LPCAT3: variants seen among roughly 807,000 people sequenced by gnomAD.
LPCAT3 encodes lysophosphatidylcholine acyltransferase 3, also known as lysophospholipid acyltransferase 5.
Under a neutral mutation model 63.4 loss-of-function variants are expected in LPCAT3, and 21 were observed. The observed-to-expected ratio is 0.33, with a 90% confidence interval of 0.23 to 0.48. The LOEUF is 0.48. LPCAT3 is among the 20% of genes least tolerant of loss of function. The probability of loss-of-function intolerance (pLI) is 0.99; values close to 1 mark genes in which losing one functional copy is unlikely to be tolerated. For synonymous variants in LPCAT3, 242 were observed against 227.5 expected (o/e 1.06, Z -0.58); for missense variants, 451 against 590.6 (o/e 0.76, Z 2.45).
At position 6,987,736 on chromosome 12, in the gene LPCAT3, A is replaced by C. The variant is rs1296450742; in HGVS notation, c.152-4197T>G. The C allele has an allele frequency of 2.5e-6, 1 of 400,428 alleles. No homozygotes were observed. Among genetic ancestry groups the C allele is most frequent in the East Asian group, 3.6e-5 (1 of 28,078 alleles). The allele number at this position is 400,428 out of a possible 1,614,324, so 24.8% of individuals were successfully genotyped here. The stretch of plus-strand genomic sequence containing the variant: ...TGCTCGAAATTAAAAAACACCACAC[A>C]TATTACTCTGCCTCTTTAAGTTGAA... On this transcript the variant is annotated intron_variant, in intron 1 of 12. Transcript: ENST00000261407. This position sits in a 1 kb window ranked among gnomAD's most constrained non-coding sequence, Gnocchi z 4.1.
Position 6,978,421 on chromosome 12 carries a change from C to T in LPCAT3, c.960G>A (p.Lys320=), listed in dbSNP as rs1946434083. The change falls in exon 9 of 13, where the codon AAG becomes AAA. Residue 320 remains lysine, a synonymous_variant. Transcript: ENST00000261407. ...GGGGGTTTGTTTCAAAGAGCCACAC[C>T]TTCATGTTGGCACAGGCATCCCACT... ...KAKWDACANM[K]VWLFETNPRF... The T allele has an allele frequency of 1.2e-6, 2 of 1,613,976 alleles. No homozygotes were observed. Among genetic ancestry groups the T allele is most frequent in the African/African-American group, 2.7e-5 (2 of 74,896 alleles).
intron 7 of LPCAT3, 123 bp downstream of exon 7, chr12:6,979,348 G>C: frequency 1.4e-6 from 1 of 739,100 alleles, no homozygotes; most frequent in South Asian, 1.7e-5. Flanking sequence ...CACAGATCTA[G>C]AGCAAAACCA....
At chr12:6,982,211 A>AT (rs1555154201) in intron 3 of LPCAT3, among the ~76,000 whole-genome samples, 4 of 151,552 alleles carry the variant, frequency 2.6e-5, no homozygotes, top group East Asian at 1.9e-4. Context: ...TAATTTTTGT[A>AT]TTTTTTTTGT....
In LPCAT3 at chr12:6,990,370, G is replaced by A. The variant is rs188396955; in HGVS notation, c.152-6831C>T. Among the ~76,000 whole-genome samples, 1,410 of 150,370 alleles carry A rather than the reference G, an allele frequency of 9.4e-3. 18 individuals carry two copies. Among genetic ancestry groups the A allele is most frequent in the African/African-American group, 0.033 (1,338 of 40,998 alleles). On this transcript the variant is annotated intron_variant, in intron 1 of 12. Transcript: ENST00000261407. ...TAAAAATACAAAAAATTAGCCGGGT[G>A]TGGTGGCGGGCACCTGTAGCCCCAG...
At chr12:7,004,649 C>G (rs1484616377) in intron 1 of LPCAT3, among the ~76,000 whole-genome samples, 1 of 152,144 alleles carries the variant, frequency 6.6e-6, no homozygotes, top group African/African-American at 2.4e-5. Flanking sequence ...ACACACATAC[C>G]CAGGGTCATT....
intron 1 of LPCAT3, among the ~76,000 whole-genome samples, chr12:7,013,438 T>TA (rs1358454274): frequency 1.3e-5 from 2 of 152,118 alleles, no homozygotes; most frequent in Non-Finnish European, 2.9e-5. Context: ...AGAACAGAAT[T>TA]AGAGACTAGT....
In LPCAT3 at chr12:6,987,618, T is replaced by C. The variant is rs1241718170; in HGVS notation, c.152-4079A>G. ...GTAACGGGGTATAAATAAAAAAATA[T>C]AAAACAGTAGATAATTATCTAGAGC... On this transcript the variant is annotated intron_variant, in intron 1 of 12. Coordinates refer to ENST00000261407, the MANE Select transcript of LPCAT3 (RefSeq NM_005768.6). The surrounding 1 kb of genome is among the most constrained non-coding windows in gnomAD (Gnocchi z 4.1). Among the ~76,000 whole-genome samples, 2 of 152,216 alleles carry C rather than the reference T, an allele frequency of 1.3e-5. No individual in the cohort carries two copies. Among genetic ancestry groups the C allele is most frequent in the East Asian group, 3.8e-4 (2 of 5,204 alleles).
Position 6,983,503 on chromosome 12 carries a change from A to T in LPCAT3, c.188T>A (p.Phe63Tyr). ...PFALFYRHYL[F>Y]YKETYLIHLF... ...GTGGATGAGGTAGGTCTCCTTGTAG[A>T]AAAGGTAATGCCGATAAAACAAAGC... Residue 63 changes from phenylalanine (F) to tyrosine (Y), a missense_variant, in exon 2 of 13, where the codon TTC (phenylalanine) becomes TAC (tyrosine). Coordinates refer to ENST00000261407, the MANE Select transcript of LPCAT3 (RefSeq NM_005768.6). The T allele has an allele frequency of 6.2e-7, 1 of 1,612,684 alleles. No homozygotes were observed. Among genetic ancestry groups the T allele is most frequent in the Non-Finnish European group, 8.5e-7 (1 of 1,178,742 alleles).
chr12:6,985,936 A>G (rs915629302), intron 1 of LPCAT3, among the ~76,000 whole-genome samples: 4 of 151,776 alleles, frequency 2.6e-5, no homozygotes, highest in African/African-American at 9.7e-5. Flanking sequence ...CACCATGCCC[A>G]GTGAATTTTT....
chr12:6,993,858 C>T (rs1946610839), intron 1 of LPCAT3, among the ~76,000 whole-genome samples: 1 of 151,934 alleles, frequency 6.6e-6, no homozygotes, highest in Non-Finnish European at 1.5e-5. Flanking sequence ...ATGATCTGTC[C>T]ACCTCAGCTT....
At chr12:7,010,932 G>C (rs1946759051) in intron 1 of LPCAT3, among the ~76,000 whole-genome samples, 1 of 152,054 alleles carries the variant, frequency 6.6e-6, no homozygotes, top group Non-Finnish European at 1.5e-5. Flanking sequence ...CAAATTCCTG[G>C]GCTCAAATGA....
intron 1 of LPCAT3, among the ~76,000 whole-genome samples, chr12:6,993,322 T>G (rs1486728141): frequency 1.3e-5 from 2 of 151,442 alleles, no homozygotes; most frequent in Non-Finnish European, 2.9e-5. Flanking sequence ...TAGTCCCAGC[T>G]ACTCAGGAGG....
At chr12:6,979,837 C>CAG (rs1946451643) in intron 6 of LPCAT3, 1 of 475,930 alleles carries the variant, frequency 2.1e-6, no homozygotes, top group African/African-American at 2.0e-5. Context: ...GTGTTTACCC[C>CAG]TCAGGGATGC....
intron 1 of LPCAT3, among the ~76,000 whole-genome samples, chr12:6,992,281 T>C (rs1371821840): frequency 2.0e-5 from 3 of 151,614 alleles, no homozygotes; most frequent in African/African-American, 7.3e-5. Context: ...GGCAGTGAGC[T>C]GTGATGCCCC....
At chr12:6,982,501 T>A (rs1366845471) in intron 3 of LPCAT3, among the ~76,000 whole-genome samples, 175 bp downstream of exon 3, 1 of 152,216 alleles carries the variant, frequency 6.6e-6, no homozygotes, top group Non-Finnish European at 1.5e-5. Context: ...CATTACAATC[T>A]GTGGATGGAA....
At chr12:6,994,588 T>C (rs754775821) in intron 1 of LPCAT3, among the ~76,000 whole-genome samples, 4 of 152,142 alleles carry the variant, frequency 2.6e-5, no homozygotes, top group African/African-American at 4.8e-5. Flanking sequence ...CACCTGAGCC[T>C]CCCTAGCAGC....
chr12:7,000,076 T>C (rs6489742), intron 1 of LPCAT3, among the ~76,000 whole-genome samples: 1 of 151,784 alleles, frequency 6.6e-6, no homozygotes, highest in East Asian at 2.0e-4. Context: ...TGTGCCACCA[T>C]GCCTGGCTAA....
intron 1 of LPCAT3, among the ~76,000 whole-genome samples, chr12:7,003,879 A>G (rs57301478): frequency 0.22 from 31,837 of 145,012 alleles, 6,516 homozygotes; most frequent in African/African-American, 0.55. Flanking sequence ...CCGAGATTGC[A>G]CCACTGCAGT....
chr12:6,986,159 G>C (rs1946523991), intron 1 of LPCAT3, among the ~76,000 whole-genome samples: 1 of 151,808 alleles, frequency 6.6e-6, no homozygotes, highest in Non-Finnish European at 1.5e-5. Flanking sequence ...GTTGACCCTT[G>C]ATCAACACAA....
Sources: gnomAD v4.1 joint callset for allele counts (sites outside exome capture counted in the v4.1 genomes callset) on GRCh38, gnomAD v4.1.1 for gene constraint, Gnocchi (gnomAD v3.1) non-coding constraint, MANE v1.5 for transcripts, NCBI Gene and HGNC (gene_info 2026-07-23, HGNC 2026-07-21) for gene names.